GOLGB1: variants seen among roughly 807,000 people sequenced by gnomAD.
The protein encoded by GOLGB1 is golgin subfamily B member 1.
In GOLGB1, 174 loss-of-function variants were observed where a neutral mutation model predicts 336.9. That is an observed-to-expected ratio of 0.52 (90% CI 0.46 to 0.59). GOLGB1 has a LOEUF of 0.59. Among genes scored for constraint, GOLGB1 ranks in the 20% least tolerant of loss-of-function variants. The pLI, the probability that GOLGB1 is intolerant of heterozygous loss-of-function variation, is 0.00. For missense variants in GOLGB1, 3,331 were observed against 3,645.3 expected, an observed-to-expected ratio of 0.91 and a Z score of 2.22; for synonymous variants, 1,208 against 1,289.2, an observed-to-expected ratio of 0.94 and a Z score of 1.35.
At chr3:121,747,400 T>C (rs940916148) in intron 1 of GOLGB1, among the ~76,000 whole-genome samples, 1 of 146,142 alleles carries the variant, frequency 6.8e-6, no homozygotes, top group African/African-American at 2.5e-5. Flanking sequence ...TATATACATA[T>C]ATACGTATAT....
In GOLGB1 at chr3:121,691,584, A is replaced by G; in HGVS notation, c.7780T>C (p.Ser2594Pro). The G allele has an allele frequency of 6.2e-7, 1 of 1,613,502 alleles. No individual in the cohort carries two copies. Among genetic ancestry groups the G allele is most frequent in the South Asian group, 1.1e-5 (1 of 90,992 alleles). The change falls in exon 14 of 22, where the codon TCC becomes CCC. Residue 2594 changes from serine (S) to proline (P), a missense_variant. Physicochemically the swap from Ser to Pro is moderately conservative, Grantham distance 74. Coordinates refer to ENST00000614479, the MANE Select transcript of GOLGB1 (RefSeq NM_001366282.2). ...SEEANEDLRRSFNALQEEKQD... is the reference protein window; with the variant it reads ...SEEANEDLRRPFNALQEEKQD... ...TTCTCTTCTTGTAGGGCATTAAAGGACCTCCGCAGATCCTCATTTGCTTCC... is the reference window on the plus strand; with the variant it reads ...TTCTCTTCTTGTAGGGCATTAAAGGGCCTCCGCAGATCCTCATTTGCTTCC...
chr3:121,721,900 G>A (rs1279954062), intron 6 of GOLGB1, among the ~76,000 whole-genome samples: 1 of 151,902 alleles, frequency 6.6e-6, no homozygotes, highest in Non-Finnish European at 1.5e-5. Flanking sequence ...ATTTCTTTTG[G>A]TTTACTTATT....
At chr3:121,684,244 G>A (rs1454999857) in intron 14 of GOLGB1, among the ~76,000 whole-genome samples, 9 of 116,774 alleles carry the variant, frequency 7.7e-5, no homozygotes, top group South Asian at 2.7e-4. Context: ...ATCAAAAGAC[G>A]AAGGCAAGAA....
intron 10 of GOLGB1, among the ~76,000 whole-genome samples, chr3:121,713,283 T>G (rs1944496164): frequency 1.3e-5 from 2 of 152,132 alleles, no homozygotes; most frequent in Non-Finnish European, 2.9e-5. Flanking sequence ...TGAAGATAAA[T>G]GAAAACATAT....
chr3:121,733,298 A>C (rs1437018224), intron 1 of GOLGB1, among the ~76,000 whole-genome samples: 1 of 151,236 alleles, frequency 6.6e-6, no homozygotes, highest in Non-Finnish European at 1.5e-5. Flanking sequence ...AAAAAAAAAA[A>C]AAAAAAAAAA....
Position 121,730,951 on chromosome 3 carries a change from T to G in GOLGB1, c.21A>C (p.Gly7=). The G allele has an allele frequency of 6.2e-7, 1 of 1,612,902 alleles. No individual in the cohort carries two copies. The highest frequency in any genetic ancestry group is 8.5e-7 in the Non-Finnish European group (1 of 1,179,646). Residue 7 remains glycine, a synonymous_variant, in exon 2 of 22, where the codon GGA becomes GGC. Transcript: ENST00000614479. ...ATTCATGCAAAACAACATTTGCTAA[T>G]CCTGATAATCGGCTCAGCATTTCTG... is the stretch of plus-strand genomic sequence containing the variant. The part of the protein sequence containing the change: MLSRLS[G]LANVVLHELS...
chr3:121,703,772 G>A (rs1235216971), intron 10 of GOLGB1, among the ~76,000 whole-genome samples: 1 of 152,072 alleles, frequency 6.6e-6, no homozygotes. Context: ...AAATAGGAAA[G>A]AGTGACCCAT....
Position 121,684,683 on chromosome 3 carries a change from A to T in GOLGB1, c.8695-2818T>A, listed in dbSNP as rs554244405. 1.8e-4 allele frequency among the ~76,000 whole-genome samples: 28 copies of T among 152,338 alleles called. 1 individual carries two copies. The South Asian group carries it at 3.9e-3, about 21-fold the overall frequency. ...GAAGGGAAATTATTTTCAGCCTAGA[A>T]TTCTATATCCAGCAAAACTATCAAT... On this transcript the variant is annotated intron_variant, in intron 14 of 21. Transcript: ENST00000614479.
At chr3:121,693,589 G>A in intron 13 of GOLGB1, 152 bp downstream of exon 13, 1 of 615,098 alleles carries the variant, frequency 1.6e-6, no homozygotes, top group Non-Finnish European at 2.8e-6. Context: ...ATTGTTGTTT[G>A]CCAAAAAAAA....
Position 121,702,571 on chromosome 3 carries a change from A to T in GOLGB1, c.1429T>A (p.Ser477Thr). The change falls in exon 11 of 22, where the codon TCT (serine) becomes ACT (threonine). Residue 477 changes from serine to threonine, a missense_variant. Coordinates refer to ENST00000614479, the MANE Select transcript of GOLGB1 (RefSeq NM_001366282.2). Reference sequence around the variant, plus strand: ...AGTTCTACCACTCTCTTCTGCAAAGAAGCAATATTCTCCTCAGTGACTGCC... The same window carrying T: ...AGTTCTACCACTCTCTTCTGCAAAGTAGCAATATTCTCCTCAGTGACTGCC... ...TQAVTEENIA[S>T]LQKRVVELEN... 1 of 1,524,908 alleles carries T rather than the reference A, an allele frequency of 6.6e-7. No individual in the cohort carries two copies. Among genetic ancestry groups the T allele is most frequent in the South Asian group, 1.3e-5 (1 of 78,270 alleles). 94.5% of individuals were successfully genotyped at this position (1,524,908 alleles called of 1,614,324 possible).
At position 121,664,823 on chromosome 3, in the gene GOLGB1, C is replaced by G. The variant is rs534677237; in HGVS notation, c.9660+103G>C. 7.0e-5 allele frequency: 57 copies of G among 814,824 alleles called. No homozygotes were observed. The African/African-American group carries it at 7.1e-4, about 10-fold the overall frequency. The allele number at this position is 814,824 out of a possible 1,614,324, so 50.5% of individuals were successfully genotyped here. ...TCCAGCCTTAGACTCATTCGCTGCTCAGTGGCTGGACTTCCACATTCCTTC... is the reference window on the plus strand; with the variant it reads ...TCCAGCCTTAGACTCATTCGCTGCTGAGTGGCTGGACTTCCACATTCCTTC... On this transcript the variant is annotated intron_variant, in intron 21 of 21. Transcript: ENST00000614479.
At chr3:121,683,053 ATTTTTTTTTTTTTTT>A (rs746649684) in intron 14 of GOLGB1, among the ~76,000 whole-genome samples, 4 of 82,498 alleles carry the variant, frequency 4.8e-5, no homozygotes, top group African/African-American at 1.4e-4. Flanking sequence ...ATTTCTTTTA[ATTTTTTTTTTTTTTT>A]TTTTTTTTTT....
At chr3:121,703,091 T>A (rs1245921010) in intron 10 of GOLGB1, among the ~76,000 whole-genome samples, 1 of 152,218 alleles carries the variant, frequency 6.6e-6, no homozygotes, top group African/African-American at 2.4e-5. Flanking sequence ...TCCCTTGGCT[T>A]AATTTATACA....
Position 121,690,663 on chromosome 3 carries a change from T to C in GOLGB1, c.8694+7A>G. The C allele has an allele frequency of 7.4e-7, 1 of 1,352,546 alleles. No homozygotes were observed. The highest frequency in any genetic ancestry group is 1.0e-6 in the Non-Finnish European group (1 of 993,760). 83.8% of individuals were successfully genotyped at this position (1,352,546 alleles called of 1,614,324 possible). A position where few individuals can be genotyped will look rare whatever the true frequency, so the allele number is the denominator to read the frequency against. On this transcript the variant is annotated splice_region_variant and intron_variant, in intron 14 of 21. Transcript: ENST00000614479. Reference sequence around the variant, plus strand: ...AACAGATCAGAAAGAAAGAACTAGCTACTCACTAGTCTGTCTCTGTCATTT... The same window carrying C: ...AACAGATCAGAAAGAAAGAACTAGCCACTCACTAGTCTGTCTCTGTCATTT...
intron 15 of GOLGB1, among the ~76,000 whole-genome samples, chr3:121,678,620 T>A (rs1382411277): frequency 6.6e-6 from 1 of 151,850 alleles, no homozygotes; most frequent in East Asian, 1.9e-4. Flanking sequence ...CAGGTTAGAG[T>A]GCAGTGGCAT....
In GOLGB1 at chr3:121,696,167, G is replaced by T; in HGVS notation, c.4356C>A (p.Ala1452=). 6.2e-7 allele frequency: 1 copy of T among 1,613,952 alleles called. No individual in the cohort carries two copies. Among genetic ancestry groups the T allele is most frequent in the Non-Finnish European group, 8.5e-7 (1 of 1,180,004 alleles). Residue 1452 remains alanine (A), a synonymous_variant, in exon 13 of 22, where the codon GCC becomes GCA. Coordinates refer to ENST00000614479, the MANE Select transcript of GOLGB1 (RefSeq NM_001366282.2). ...KALHTQLEMQ[A]KEHDERIKQL... is the part of the protein sequence containing the mutation. Reference sequence around the variant, plus strand: ...GCTTTATCCTCTCATCATGCTCTTTGGCTTGCATTTCTAGCTGTGTATGCA... The same window carrying T: ...GCTTTATCCTCTCATCATGCTCTTTTGCTTGCATTTCTAGCTGTGTATGCA...
At chr3:121,687,604 A>C (rs1941886732) in intron 14 of GOLGB1, among the ~76,000 whole-genome samples, 1 of 152,238 alleles carries the variant, frequency 6.6e-6, no homozygotes, top group South Asian at 2.1e-4. Context: ...ACAGAATAAT[A>C]TGACTCTGAA....
rs560474421 is a variant in GOLGB1, at chr3:121,734,666, T to C, written c.-2-3693A>G. 6.6e-5 allele frequency among the ~76,000 whole-genome samples: 10 copies of C among 152,326 alleles called. No individual in the cohort carries two copies. In the South Asian group the frequency reaches 1.9e-3, roughly 28 times the overall value. ...TTAAAAGCAAAATGAAATACCACTA[T>C]CTACCTATTAGAATTGCTAAAATAT... On this transcript the variant is annotated intron_variant, in intron 1 of 21. Transcript: ENST00000614479.
chr3:121,711,813 G>T (rs1460517862), intron 10 of GOLGB1, among the ~76,000 whole-genome samples: 2 of 152,100 alleles, frequency 1.3e-5, no homozygotes, highest in South Asian at 4.1e-4. Context: ...ACTGCTGAAA[G>T]AAATTAAAGA....
Sources: gnomAD v4.1 joint callset for allele counts (sites outside exome capture counted in the v4.1 genomes callset) on GRCh38, gnomAD v4.1.1 for gene constraint, MANE v1.5 for transcripts, NCBI Gene and HGNC (gene_info 2026-07-23, HGNC 2026-07-21) for gene names.